The following PKHD1 variants were observed in gnomAD, a reference collection of about 807,000 sequenced individuals.
PKHD1 encodes fibrocystin.
In PKHD1, 291 loss-of-function variants were observed where a neutral mutation model predicts 412.0. The ratio of observed to expected loss-of-function variants is 0.71; its 90% CI spans 0.64 to 0.78. The LOEUF is 0.78. Ranked by LOEUF, PKHD1 falls within the 30% of genes least tolerant of loss-of-function variation. PKHD1 has a pLI of 0.00. For missense variants in PKHD1, 4,825 were observed against 4,950.7 expected, an observed-to-expected ratio of 0.97 and a Z score of 0.76; for synonymous variants, 1,777 against 1,821.5, an observed-to-expected ratio of 0.98 and a Z score of 0.62.
intron 60 of PKHD1, among the ~76,000 whole-genome samples, chr6:51,668,920 G>T (rs1309140821): frequency 1.3e-5 from 2 of 152,130 alleles, no homozygotes; most frequent in East Asian, 3.9e-4. Context: ...GGGATAAGCT[G>T]TTTGATGTGC....
rs534298347 is a variant in PKHD1, at chr6:51,873,199, A to C, written c.7351-2560T>G. On this transcript the variant is annotated intron_variant, in intron 46 of 66. Transcript: ENST00000371117. Reference sequence around the variant, plus strand: ...TGCACATGAAGACCAGAAGGCATATAGAATAATGCTTATAGCATTATTATT... The same window carrying C: ...TGCACATGAAGACCAGAAGGCATATCGAATAATGCTTATAGCATTATTATT... Among the ~76,000 whole-genome samples, 5 of 123,226 alleles carry C rather than the reference A, an allele frequency of 4.1e-5. No homozygotes were observed. The Admixed American group carries it at 4.8e-4, about 12-fold the overall frequency. The allele number at this position is 123,226 out of a possible 152,430, so 80.8% of individuals were successfully genotyped here.
intron 53 of PKHD1, among the ~76,000 whole-genome samples, chr6:51,779,768 T>G (rs1791663776): frequency 6.7e-6 from 1 of 148,402 alleles, no homozygotes; most frequent in Non-Finnish European, 1.5e-5. Flanking sequence ...ATACTTGTAG[T>G]AAAGCCAACA....
Position 52,047,130 on chromosome 6 carries a change from C to T in PKHD1, c.2408-942G>A, listed in dbSNP as rs938809071. 4.6e-5 allele frequency among the ~76,000 whole-genome samples: 7 copies of T among 152,174 alleles called. No individual in the cohort carries two copies. In the East Asian group the frequency reaches 1.2e-3, roughly 25 times the overall value. On this transcript the variant is annotated intron_variant, in intron 23 of 66. Transcript: ENST00000371117. ...CTGACTTTCCCAGTTGTTTTGCAGG[C>T]GGTGATCTGAGGATCATCAGTGATA...
At chr6:51,894,602 A>C (rs1226021914) in intron 43 of PKHD1, among the ~76,000 whole-genome samples, 1 of 152,244 alleles carries the variant, frequency 6.6e-6, no homozygotes, top group Non-Finnish European at 1.5e-5. Flanking sequence ...TGAGAATAAT[A>C]TAAAACCACA....
At chr6:51,793,053 T>C (rs569077886) in intron 52 of PKHD1, among the ~76,000 whole-genome samples, 1 of 152,298 alleles carries the variant, frequency 6.6e-6, no homozygotes, top group East Asian at 1.9e-4. Flanking sequence ...ATACTGAAGA[T>C]AAAGACACTA....
chr6:51,901,396 C>T (rs1191395156), intron 43 of PKHD1, among the ~76,000 whole-genome samples: 8 of 152,162 alleles, frequency 5.3e-5, no homozygotes, highest in Non-Finnish European at 7.4e-5. Flanking sequence ...TGGAAATCAT[C>T]ATTCTCAGTA....
At position 52,064,997 on chromosome 6, in the gene PKHD1, G is replaced by A. The variant is rs372340268; in HGVS notation, c.934C>T (p.Arg312Trp). 212 of 1,604,132 alleles carry A rather than the reference G, an allele frequency of 1.3e-4. No individual in the cohort carries two copies. The highest frequency in any genetic ancestry group is 3.9e-4 in the South Asian group (35 of 90,776). The change falls in exon 13 of 67, where the codon CGG becomes TGG. Residue 312 changes from arginine to tryptophan, a missense_variant. Coordinates refer to ENST00000371117, the MANE Select transcript of PKHD1 (RefSeq NM_138694.4). ...VSPRKIECTT[R>W]APGKDVRLTT... The stretch of plus-strand genomic sequence containing the variant: ...AGCCTCACATCTTTTCCTGGAGCCC[G>A]AGTGGTGCACTCAATCTTCCTGGGA...
intron 14 of PKHD1, among the ~76,000 whole-genome samples, chr6:52,061,556 A>C (rs181703701): frequency 6.6e-6 from 1 of 151,794 alleles, no homozygotes; most frequent in Non-Finnish European, 1.5e-5. Flanking sequence ...CAGATTACCA[A>C]CCCTACTTGG....
In PKHD1 at chr6:52,033,042, TTA is replaced by T; in HGVS notation, c.3350_3351del (p.Ile1117LysfsTer7). ...TCACATATTTTACCTGCTATATTGCTTATGTTTCTGCTCAGAGTCACAATAAC... is the reference window on the plus strand; with the variant it reads ...TCACATATTTTACCTGCTATATTGCTTGTTTCTGCTCAGAGTCACAATAAC... ...NPVIVTLSRN[I>X]SNIAGGETLV... is the part of the protein sequence containing the mutation. On this transcript the variant is annotated frameshift_variant, in exon 29 of 67. Transcript: ENST00000371117. LOFTEE classifies it high-confidence loss of function. 1 of 1,612,540 alleles carries T rather than the reference TTA, an allele frequency of 6.2e-7. No homozygotes were observed. The highest frequency in any genetic ancestry group is 1.7e-5 in the Admixed American group (1 of 60,014).
At chr6:51,638,328 A>T (rs1182112098) in intron 64 of PKHD1, among the ~76,000 whole-genome samples, 1 of 152,178 alleles carries the variant, frequency 6.6e-6, no homozygotes, top group Non-Finnish European at 1.5e-5. Context: ...CTATATTTTC[A>T]TGAGAGTCAC....
chr6:51,899,510 T>C (rs370230477), intron 43 of PKHD1, among the ~76,000 whole-genome samples: 10 of 151,666 alleles, frequency 6.6e-5, no homozygotes, highest in Non-Finnish European at 1.3e-4. Context: ...ATTGATGGGA[T>C]GTATTTCAAA....
rs1192545087 is a variant in PKHD1, at chr6:51,767,326, ATTCTT to A, written c.8642+5371_8642+5375del. ...TGGTGTCCCTCAGTATGTTCCTCTT[ATTCTT>A]TTCTTTTATTTTATTATTATTATAC... On this transcript the variant is annotated intron_variant, in intron 55 of 66. Transcript: ENST00000371117. Among the ~76,000 whole-genome samples, 61 of 151,548 alleles carry A rather than the reference ATTCTT, an allele frequency of 4.0e-4. 1 individual carries two copies. The highest frequency in any genetic ancestry group is 1.9e-3 in the Admixed American group (29 of 15,208).
chr6:51,708,501 C>A (rs1389301442), intron 60 of PKHD1, among the ~76,000 whole-genome samples: 1 of 152,178 alleles, frequency 6.6e-6, no homozygotes, highest in Admixed American at 6.5e-5. Flanking sequence ...TGTGTTACTG[C>A]CCTTAGAATC....
Position 52,053,070 on chromosome 6 carries a change from G to A in PKHD1, c.2140+6C>T, listed in dbSNP as rs772919898. On this transcript the variant is annotated splice_donor_region_variant and intron_variant, in intron 21 of 66. Coordinates refer to ENST00000371117, the MANE Select transcript of PKHD1 (RefSeq NM_138694.4). ...GCTTGTGGAGGAGAGAGAATTTGATGATTACCTGTTACGTTTGTGTCTGCA... is the reference window on the plus strand; with the variant it reads ...GCTTGTGGAGGAGAGAGAATTTGATAATTACCTGTTACGTTTGTGTCTGCA... 6.2e-7 allele frequency: 1 copy of A among 1,613,380 alleles called. No homozygotes were observed. The highest frequency in any genetic ancestry group is 8.5e-7 in the Non-Finnish European group (1 of 1,179,552).
At chr6:51,779,918 T>TA (rs2151185599) in intron 53 of PKHD1, among the ~76,000 whole-genome samples, 1 of 152,208 alleles carries the variant, frequency 6.6e-6, no homozygotes, top group Non-Finnish European at 1.5e-5. Context: ...ACAAGACATT[T>TA]AAAAAAACTG....
chr6:52,083,735 G>A (rs1362610736), intron 2 of PKHD1, among the ~76,000 whole-genome samples: 1 of 151,934 alleles, frequency 6.6e-6, no homozygotes, highest in African/African-American at 2.4e-5. Flanking sequence ...TTAGGTTGGT[G>A]CAAAAGCAAT....
chr6:51,927,259 TAGC>T (rs752661217), intron 37 of PKHD1, among the ~76,000 whole-genome samples: 37 of 151,982 alleles, frequency 2.4e-4, no homozygotes, highest in Non-Finnish European at 4.3e-4. Flanking sequence ...TTTACATACA[TAGC>T]AGGTTGTTGG....
chr6:51,869,525 G>A (rs1277638450), intron 47 of PKHD1, among the ~76,000 whole-genome samples: 1 of 152,082 alleles, frequency 6.6e-6, no homozygotes, highest in African/African-American at 2.4e-5. Context: ...CTTAAGCAGA[G>A]CCTGAAATAG....
intron 43 of PKHD1, among the ~76,000 whole-genome samples, chr6:51,888,256 G>T (rs1391482274): frequency 6.6e-6 from 1 of 152,144 alleles, no homozygotes; most frequent in Non-Finnish European, 1.5e-5. Context: ...ATAATTTCAT[G>T]TATTTTATGT....
Sources: gnomAD v4.1 joint callset for allele counts (sites outside exome capture counted in the v4.1 genomes callset) on GRCh38, gnomAD v4.1.1 for gene constraint, MANE v1.5 for transcripts, NCBI Gene and HGNC (gene_info 2026-07-23, HGNC 2026-07-21) for gene names.